The following ZFAT variants were observed in gnomAD, a reference collection of about 807,000 sequenced individuals.
ZFAT encodes the protein zinc finger and AT-hook domain containing.
Under a neutral mutation model 117.7 loss-of-function variants are expected in ZFAT, and 64 were observed. That is an observed-to-expected ratio of 0.54 (90% CI 0.44 to 0.67). The LOEUF (loss-of-function observed/expected upper bound fraction) is 0.67, where lower values mean the gene tolerates loss of function less well. ZFAT is among the 30% of genes least tolerant of loss of function. The pLI, the probability that ZFAT is intolerant of heterozygous loss-of-function variation, is 0.00. For synonymous variants in ZFAT, 679 were observed against 615.0 expected, an observed-to-expected ratio of 1.10 and a Z score of -1.54; for missense variants, 1,433 against 1,584.5, an observed-to-expected ratio of 0.90 and a Z score of 1.62.
chr8:134,533,939 T>C (rs964223630), intron 11 of ZFAT, among the ~76,000 whole-genome samples: 5 of 152,214 alleles, frequency 3.3e-5, no homozygotes, highest in Non-Finnish European at 7.3e-5. Context: ...ACATGCTGTA[T>C]GATTCCGACA....
At chr8:134,737,294 ATAAAAAT>A in the ZFAT span, among the ~76,000 whole-genome samples, 1,180 of 123,574 alleles carry the variant, frequency 9.5e-3, 10 homozygotes, top group South Asian at 0.026. Context: ...AAAAATGAAA[ATAAAAAT>A]AAAAATAAAA....
chr8:134,808,085 G>A, the ZFAT span, among the ~76,000 whole-genome samples: 1 of 150,358 alleles, frequency 6.7e-6, no homozygotes, highest in Non-Finnish European at 1.5e-5. Context: ...TTTTACAGAT[G>A]AAGAAGAAGG....
chr8:134,550,336 C>T (rs1258328524), intron 11 of ZFAT, among the ~76,000 whole-genome samples: 1 of 75,958 alleles, frequency 1.3e-5, no homozygotes, highest in Non-Finnish European at 2.8e-5. Flanking sequence ...AAAAAAACAG[C>T]ACAGGGTAAA....
chr8:134,775,482 G>C, the ZFAT span, among the ~76,000 whole-genome samples: 1 of 152,064 alleles, frequency 6.6e-6, no homozygotes. Flanking sequence ...TTGGGTCCCA[G>C]GCAAAAATGG....
At chr8:134,502,401 C>T (rs548297988) in intron 15 of ZFAT, among the ~76,000 whole-genome samples, 31 of 152,376 alleles carry the variant, frequency 2.0e-4, no homozygotes, top group African/African-American at 6.3e-4. Flanking sequence ...AAACAGGCAA[C>T]TGGTGTATAT....
intron 1 of ZFAT, among the ~76,000 whole-genome samples, chr8:134,686,176 C>G (rs1300693590): frequency 6.6e-6 from 1 of 152,248 alleles, no homozygotes; most frequent in Non-Finnish European, 1.5e-5. Context: ...AATTCTCAAC[C>G]TGAGTAAGTT....
Position 134,584,128 on chromosome 8 carries a change from C to T in ZFAT, c.2714-123G>A, listed in dbSNP as rs1035632203. The stretch of plus-strand genomic sequence containing the variant: ...TATAGATATGTATATATAAAACATC[C>T]GTTTTGAACACAGCAGTATACTTGC... On this transcript the variant is annotated intron_variant, in intron 9 of 15. Coordinates refer to ENST00000377838, the MANE Select transcript of ZFAT (RefSeq NM_020863.4). 31 of 1,091,124 alleles carry T rather than the reference C, an allele frequency of 2.8e-5. No individual in the cohort carries two copies. In the Admixed American group the frequency reaches 7.7e-4, roughly 27 times the overall value. 67.6% of individuals were successfully genotyped at this position (1,091,124 alleles called of 1,614,324 possible).
intron 3 of ZFAT, among the ~76,000 whole-genome samples, chr8:134,618,133 T>G (rs988572296): frequency 2.6e-5 from 4 of 152,178 alleles, no homozygotes; most frequent in Non-Finnish European, 5.9e-5. Context: ...GAACCTCTTT[T>G]TCTTCCCAGT....
the ZFAT span, among the ~76,000 whole-genome samples, chr8:134,815,416 A>C: frequency 6.6e-6 from 1 of 152,216 alleles, no homozygotes; most frequent in Admixed American, 6.5e-5. Flanking sequence ...GCCAACTAGA[A>C]ATCCAAGTTG....
chr8:134,774,013 G>C, the ZFAT span, among the ~76,000 whole-genome samples: 1 of 17,900 alleles, frequency 5.6e-5, no homozygotes, highest in Non-Finnish European at 1.2e-4. Flanking sequence ...TTTTTTTTTT[G>C]AGACGGCATT....
the ZFAT span, chr8:134,796,628 G>T: frequency 5.3e-5 from 8 of 152,084 alleles, no homozygotes; most frequent in East Asian, 1.4e-3. Flanking sequence ...TGACAGACTT[G>T]TCATGATGAT....
the ZFAT span, chr8:134,766,651 C>A: frequency 6.6e-6 from 1 of 152,208 alleles, no homozygotes; most frequent in African/African-American, 2.4e-5. Flanking sequence ...ATGTGTGGTG[C>A]TGTACAACTA....
At chr8:134,521,236 G>A (rs1348631072) in intron 12 of ZFAT, among the ~76,000 whole-genome samples, 1 of 149,702 alleles carries the variant, frequency 6.7e-6, no homozygotes, top group Non-Finnish European at 1.5e-5. Flanking sequence ...AGCTTTTGTA[G>A]ACAGCCCAAT....
the ZFAT span, among the ~76,000 whole-genome samples, chr8:134,727,585 A>G: frequency 1.3e-5 from 2 of 152,222 alleles, no homozygotes; most frequent in Non-Finnish European, 2.9e-5. Context: ...AGTACCACCT[A>G]TTTTACACGT....
chr8:134,686,233 G>A (rs903208343), intron 1 of ZFAT, among the ~76,000 whole-genome samples: 1 of 152,196 alleles, frequency 6.6e-6, no homozygotes, highest in Non-Finnish European at 1.5e-5. Flanking sequence ...ACATTTCTAT[G>A]TGACAGAAAT....
At chr8:134,805,025 A>G in the ZFAT span, 1 of 461,308 alleles carries the variant, frequency 2.2e-6, no homozygotes, top group Non-Finnish European at 4.5e-6. Flanking sequence ...TAATTTATAT[A>G]ATTTCTAGTG....
chr8:134,647,617 T>C (rs934734803), intron 2 of ZFAT, among the ~76,000 whole-genome samples: 7 of 152,150 alleles, frequency 4.6e-5, no homozygotes, highest in Non-Finnish European at 8.8e-5. Flanking sequence ...ATCTTAGATA[T>C]AGAAAGCCCT....
At chr8:134,797,163 G>A in the ZFAT span, 1 of 152,046 alleles carries the variant, frequency 6.6e-6, no homozygotes, top group Admixed American at 6.5e-5. Flanking sequence ...ACAAACAGGA[G>A]ATAATTTTTT....
chr8:134,656,337 A>G (rs1167089364), intron 2 of ZFAT, among the ~76,000 whole-genome samples: 1 of 152,208 alleles, frequency 6.6e-6, no homozygotes, highest in Non-Finnish European at 1.5e-5. Context: ...TCTGCTCACA[A>G]GGCCTGTGAG....
Sources: allele counts gnomAD v4.1 joint callset (sites outside exome capture counted in the v4.1 genomes callset), GRCh38; gene constraint gnomAD v4.1.1; transcripts MANE v1.5; gene names NCBI Gene and HGNC (gene_info 2026-07-23, HGNC 2026-07-21).